The following TSGA10 variants were observed in gnomAD, a reference collection of about 807,000 sequenced individuals.
The protein encoded by TSGA10 is testis-specific gene 10 protein.
In TSGA10, 43 loss-of-function variants were observed where a neutral mutation model predicts 96.6. The ratio of observed to expected loss-of-function variants is 0.44; its 90% confidence interval spans 0.35 to 0.57. The LOEUF is 0.57. Ranked by LOEUF, TSGA10 falls within the 20% of genes least tolerant of loss-of-function variation. The pLI is 0.01. For synonymous variants in TSGA10, 229 were observed against 269.9 expected (o/e 0.85, Z 1.48); for missense variants, 703 against 834.4 (o/e 0.84, Z 1.94).
At chr2:99,016,570 G>A (rs1021640815) in intron 20 of TSGA10, among the ~76,000 whole-genome samples, 1 of 152,100 alleles carries the variant, frequency 6.6e-6, no homozygotes, top group African/African-American at 2.4e-5. Context: ...AAAGTCTTCT[G>A]AACTTTGGCT....
intron 10 of TSGA10, among the ~76,000 whole-genome samples, chr2:99,088,630 C>T (rs1280343494): frequency 6.6e-6 from 1 of 152,168 alleles, no homozygotes; most frequent in Non-Finnish European, 1.5e-5. Context: ...GAAAACTGAT[C>T]ATTCCTTATG....
intron 17 of TSGA10, among the ~76,000 whole-genome samples, chr2:99,023,661 T>C (rs965065210): frequency 2.6e-5 from 4 of 152,228 alleles, no homozygotes; most frequent in Non-Finnish European, 4.4e-5. Context: ...TCTTTCCTCA[T>C]TGAATTGTCC....
chr2:99,009,571 CAAAAAAAA>C (rs765452742), intron 20 of TSGA10, among the ~76,000 whole-genome samples: 3 of 45,436 alleles, frequency 6.6e-5, no homozygotes, highest in East Asian at 9.3e-4. Context: ...GACCCTGTCT[CAAAAAAAA>C]AAAAAAAAAA....
intron 1 of TSGA10, among the ~76,000 whole-genome samples, chr2:99,133,963 T>C (rs1281733043): frequency 6.6e-6 from 1 of 152,256 alleles, no homozygotes; most frequent in Non-Finnish European, 1.5e-5. Context: ...AATGTTAGTC[T>C]GATAGGCTTC....
chr2:99,144,167 C>T (rs1470819686), intron 1 of TSGA10, among the ~76,000 whole-genome samples: 2 of 152,016 alleles, frequency 1.3e-5, no homozygotes, highest in Non-Finnish European at 2.9e-5. Context: ...ACTACAGGCG[C>T]CCACCACCAC....
At chr2:99,059,078 TTTTATA>T (rs1558876937) in intron 16 of TSGA10, among the ~76,000 whole-genome samples, 7 of 140,592 alleles carry the variant, frequency 5.0e-5, no homozygotes, top group East Asian at 2.0e-4. Flanking sequence ...ATTTATATAT[TTTTATA>T]TATATATATA....
At chr2:99,056,122 G>A (rs992900752) in intron 16 of TSGA10, among the ~76,000 whole-genome samples, 1 of 151,272 alleles carries the variant, frequency 6.6e-6, no homozygotes, top group African/African-American at 2.4e-5. Context: ...GGAATATAGC[G>A]TGAACCCGGG....
Position 99,154,858 on chromosome 2 carries a change from G to T in TSGA10, c.-786C>A. ...TTACTTAGCACTCCTGCGGGCTGCCGGGACCCCACGGCTCCGCAGGCGGAG... is the reference window on the plus strand; with the variant it reads ...TTACTTAGCACTCCTGCGGGCTGCCTGGACCCCACGGCTCCGCAGGCGGAG... On this transcript the variant is annotated 5_prime_UTR_variant, in exon 1 of 21. Coordinates refer to ENST00000393483, the MANE Select transcript of TSGA10 (RefSeq NM_025244.4). The T allele has an allele frequency of 2.9e-6, 1 of 349,780 alleles. No homozygotes were observed. Among genetic ancestry groups the T allele is most frequent in the Non-Finnish European group, 5.7e-6 (1 of 175,878 alleles). The allele number at this position is 349,780 out of a possible 1,614,324, so 21.7% of individuals were successfully genotyped here.
At chr2:99,065,540 G>A (rs1340574424) in intron 15 of TSGA10, among the ~76,000 whole-genome samples, 9 of 152,082 alleles carry the variant, frequency 5.9e-5, no homozygotes, top group East Asian at 1.9e-4. Flanking sequence ...CCAATTTACC[G>A]GGCTGTGCTG....
At chr2:99,127,462 A>AC (rs1416433345) in intron 1 of TSGA10, among the ~76,000 whole-genome samples, 1 of 152,154 alleles carries the variant, frequency 6.6e-6, no homozygotes, top group Non-Finnish European at 1.5e-5. Context: ...TAAAGAGTCT[A>AC]CCTCTAGGCT....
At chr2:99,032,544 T>C (rs962036033) in intron 17 of TSGA10, among the ~76,000 whole-genome samples, 6 of 152,202 alleles carry the variant, frequency 3.9e-5, no homozygotes, top group African/African-American at 1.4e-4. Flanking sequence ...GACAAGACTT[T>C]GGAGTTTCTC....
intron 2 of TSGA10, among the ~76,000 whole-genome samples, chr2:99,121,638 T>G (rs2092578838): frequency 6.6e-6 from 1 of 151,530 alleles, no homozygotes; most frequent in Non-Finnish European, 1.5e-5. Flanking sequence ...GCCTAGATAA[T>G]TTGTGTAATT....
chr2:99,102,400 C>G, intron 10 of TSGA10: 6 of 1,613,780 alleles, frequency 3.7e-6, no homozygotes, highest in Non-Finnish European at 5.1e-6. Flanking sequence ...ATTAGGGTGT[C>G]ATTTACAGGA....
intron 17 of TSGA10, 47 bp downstream of exon 17, chr2:99,035,183 C>A: frequency 7.1e-7 from 1 of 1,402,816 alleles, no homozygotes; most frequent in Non-Finnish European, 9.7e-7. Flanking sequence ...ATTATACTAA[C>A]TTTACAGTAA....
At chr2:99,099,658 A>G (rs2090473780) in intron 10 of TSGA10, among the ~76,000 whole-genome samples, 1 of 152,180 alleles carries the variant, frequency 6.6e-6, no homozygotes, top group Admixed American at 6.5e-5. Flanking sequence ...CTTAAATCTA[A>G]TATTACATAG....
chr2:99,011,799 T>C (rs960337410), intron 20 of TSGA10, among the ~76,000 whole-genome samples: 14 of 151,384 alleles, frequency 9.2e-5, no homozygotes, highest in Non-Finnish European at 2.1e-4. Context: ...GGTAAAGGGT[T>C]TGGAGATCTA....
chr2:99,130,504 C>T (rs188702621), intron 1 of TSGA10, among the ~76,000 whole-genome samples: 71 of 151,974 alleles, frequency 4.7e-4, no homozygotes, highest in Non-Finnish European at 8.2e-4. Flanking sequence ...TGTTTAAGTT[C>T]CTTATAGATT....
intron 1 of TSGA10, chr2:99,141,137 C>G (rs2093530719): frequency 1.6e-6 from 2 of 1,275,042 alleles, no homozygotes; most frequent in Non-Finnish European, 2.0e-6. Context: ...GCCCAGAGCT[C>G]ATCCCCGCGA....
chr2:99,059,876 T>C (rs932588174), intron 16 of TSGA10, among the ~76,000 whole-genome samples: 2 of 141,928 alleles, frequency 1.4e-5, no homozygotes, highest in Non-Finnish European at 3.0e-5. Flanking sequence ...ACTGCGCCAC[T>C]GCACTCCAGC....
Sources: allele counts gnomAD v4.1 joint callset (sites outside exome capture counted in the v4.1 genomes callset), GRCh38; gene constraint gnomAD v4.1.1; transcripts MANE v1.5; gene names NCBI Gene and HGNC (gene_info 2026-07-23, HGNC 2026-07-21).